The following SBSPON variants were observed in gnomAD, a reference collection of about 807,000 sequenced individuals.
The protein encoded by SBSPON is somatomedin B and thrombospondin type 1 domain containing.
SBSPON carries 30 observed loss-of-function variants against 35.8 expected under a neutral mutation model. The observed-to-expected ratio is 0.84, with a 90% CI of 0.63 to 1.14. SBSPON has a LOEUF of 1.14. Among genes scored for constraint, SBSPON ranks in the 50% most tolerant of loss-of-function variants. SBSPON has a pLI of 0.00. For synonymous variants in SBSPON, 136 were observed against 135.9 expected (o/e 1.00, Z 0.00); for missense variants, 364 against 357.7 (o/e 1.02, Z -0.14).
At chr8:73,089,861 G>T (rs1424930505) in intron 1 of SBSPON, among the ~76,000 whole-genome samples, 1 of 152,112 alleles carries the variant, frequency 6.6e-6, no homozygotes, top group African/African-American at 2.4e-5. Context: ...CCCACACAGT[G>T]GTTTCATCTC....
chr8:73,092,299 G>A (rs908226714), intron 1 of SBSPON, among the ~76,000 whole-genome samples: 2 of 152,184 alleles, frequency 1.3e-5, no homozygotes, highest in African/African-American at 4.8e-5. Flanking sequence ...ACATTTTGGG[G>A]TCCAGAGATG....
intron 1 of SBSPON, among the ~76,000 whole-genome samples, chr8:73,084,276 C>T (rs1178504298): frequency 6.6e-6 from 1 of 152,212 alleles, no homozygotes; most frequent in Non-Finnish European, 1.5e-5. Context: ...TTATATATCT[C>T]AGTAATGAAT....
chr8:73,090,532 G>A lies in SBSPON; in HGVS notation c.214+2322C>T, dbSNP rs73316122. Reference sequence around the variant, plus strand: ...TGAGCAGGCTGGGCCTCTCGGCTCCGGGCCTTCTGCTCTCACCCTCGGAGG... The same window carrying A: ...TGAGCAGGCTGGGCCTCTCGGCTCCAGGCCTTCTGCTCTCACCCTCGGAGG... On this transcript the variant is annotated intron_variant, in intron 1 of 4. Transcript: ENST00000297354. Among the ~76,000 whole-genome samples, 370 of 152,298 alleles carry A rather than the reference G, an allele frequency of 2.4e-3. 3 individuals carry two copies. Among genetic ancestry groups the A allele is most frequent in the African/African-American group, 8.3e-3 (347 of 41,564 alleles).
At position 73,071,871 on chromosome 8, in the gene SBSPON, C is replaced by T; in HGVS notation, c.410-1G>A. 6.3e-7 allele frequency: 1 copy of T among 1,598,752 alleles called. No homozygotes were observed. The highest frequency in any genetic ancestry group is 8.6e-7 in the Non-Finnish European group (1 of 1,166,302). The stretch of plus-strand genomic sequence containing the variant: ...GCAGAGGTAGTTATAAAGGCAGGAA[C>T]TGGAAAAGGGAGATTTCTGTTGAAT... On this transcript the variant is annotated splice_acceptor_variant, in intron 2 of 4. Transcript: ENST00000297354. LOFTEE classifies it high-confidence loss of function.
chr8:73,071,670 A>G, intron 3 of SBSPON, 110 bp downstream of exon 3: 2 of 669,834 alleles, frequency 3.0e-6, no homozygotes. Flanking sequence ...AGCCAAAGTC[A>G]AAGAGCAAGT....
In SBSPON at chr8:73,066,883, A is replaced by T. The variant is rs1159200772; in HGVS notation, c.*458T>A. 6.7e-6 allele frequency: 1 copy of T among 150,248 alleles called. No homozygotes were observed. Among genetic ancestry groups the T allele is most frequent in the Non-Finnish European group, 1.5e-5 (1 of 66,930 alleles). 9.3% of individuals were successfully genotyped at this position (150,248 alleles called of 1,614,324 possible). The stretch of plus-strand genomic sequence containing the variant: ...TCAGAATTTATGGAATATTAAATAT[A>T]TGGAAATATATGTGTAGAGTGTGCA... On this transcript the variant is annotated 3_prime_UTR_variant, in exon 5 of 5. Transcript: ENST00000297354.
At position 73,083,484 on chromosome 8, in the gene SBSPON, T is replaced by G. The variant is rs73316106; in HGVS notation, c.215-2271A>C. 3.4e-3 allele frequency among the ~76,000 whole-genome samples: 523 copies of G among 152,368 alleles called. 4 individuals are homozygous for G. Among genetic ancestry groups the G allele is most frequent in the African/African-American group, 0.012 (489 of 41,588 alleles). ...GCTTGTGAACTTTTGATTATTTGGA[T>G]TGCAAGCCATCATAGATCACAAGAG... On this transcript the variant is annotated intron_variant, in intron 1 of 4. Transcript: ENST00000297354.
intron 1 of SBSPON, among the ~76,000 whole-genome samples, chr8:73,091,813 G>T (rs551115572): frequency 6.6e-6 from 1 of 152,304 alleles, no homozygotes; most frequent in African/African-American, 2.4e-5. Flanking sequence ...GCCTGGCCAC[G>T]GGTTGAAGCC....
Position 73,071,787 on chromosome 8 carries a change from C to T in SBSPON, c.493G>A (p.Asp165Asn), listed in dbSNP as rs202008582. ...TSPHWSTHTE[D>N]AGYCMEFKTE... The stretch of plus-strand genomic sequence containing the variant: ...AAAAAAACACGAAATTACCCAGCAT[C>T]CTCTGTGTGTGTAGACCAGTGTGGA... Residue 165 changes from aspartate to asparagine, a missense_variant, in exon 3 of 5, where the codon GAT becomes AAT. Asp to Asn is a conservative substitution (Grantham distance 23). Transcript: ENST00000297354. 2.5e-5 allele frequency: 40 copies of T among 1,586,372 alleles called. No homozygotes were observed. In the African/African-American group the frequency reaches 4.2e-4, roughly 17 times the overall value.
chr8:73,075,283 G>A (rs535249929), intron 2 of SBSPON, among the ~76,000 whole-genome samples: 1 of 152,358 alleles, frequency 6.6e-6, no homozygotes, highest in African/African-American at 2.4e-5. Context: ...CTTGGGCTTG[G>A]TGGTGGCACA....
rs1428629910 is a variant in SBSPON, at chr8:73,068,541, T to C, written c.678-1083A>G. Among the ~76,000 whole-genome samples, 5 of 152,238 alleles carry C rather than the reference T, an allele frequency of 3.3e-5. No homozygotes were observed. In the East Asian group the frequency reaches 9.6e-4, roughly 29 times the overall value. The stretch of plus-strand genomic sequence containing the variant: ...CCCAGCACGAAGTTGACTCTTCTTT[T>C]AGTTTTGTATAGTGTTATCAAATTT... On this transcript the variant is annotated intron_variant, in intron 4 of 4. Transcript: ENST00000297354.
At chr8:73,071,753 T>TAAAAA in intron 3 of SBSPON, 27 bp downstream of exon 3, 2 of 1,286,924 alleles carry the variant, frequency 1.6e-6, no homozygotes, top group East Asian at 2.5e-5. Flanking sequence ...AAAACATGAT[T>TAAAAA]AAAAAAAAAA....
intron 1 of SBSPON, among the ~76,000 whole-genome samples, chr8:73,089,974 G>A (rs1421363165): frequency 1.3e-5 from 2 of 152,140 alleles, no homozygotes; most frequent in East Asian, 1.9e-4. Context: ...CTACCTCCTG[G>A]GCTCAGGTGA....
intron 2 of SBSPON, among the ~76,000 whole-genome samples, chr8:73,075,977 C>T (rs893738408): frequency 6.6e-6 from 1 of 152,136 alleles, no homozygotes; most frequent in Non-Finnish European, 1.5e-5. Context: ...GCTACTCAGT[C>T]ATTAATAAGA....
Position 73,080,593 on chromosome 8 carries a change from G to A in SBSPON, c.409+426C>T, listed in dbSNP as rs140039291. On this transcript the variant is annotated intron_variant, in intron 2 of 4. Coordinates refer to ENST00000297354, the MANE Select transcript of SBSPON (RefSeq NM_153225.4). ...ATTTTTCCACGATTTTTCCACATGC[G>A]TGAGTGTGCATAATGAAACAGGAAT... 4.1e-3 allele frequency among the ~76,000 whole-genome samples: 625 copies of A among 152,204 alleles called. 5 individuals are homozygous for A. Among genetic ancestry groups the A allele is most frequent in the African/African-American group, 0.014 (593 of 41,530 alleles).
chr8:73,085,022 A>G lies in SBSPON; in HGVS notation c.215-3809T>C, dbSNP rs866811474. 2.0e-5 allele frequency among the ~76,000 whole-genome samples: 3 copies of G among 152,190 alleles called. No homozygotes were observed. In the South Asian group the frequency reaches 6.2e-4, roughly 32 times the overall value. ...CCCTCCTCCCTAGATAATGTTCTAC[A>G]TTGAAACAGACTCTGATCTGCTCAT... On this transcript the variant is annotated intron_variant, in intron 1 of 4. Coordinates refer to ENST00000297354, the MANE Select transcript of SBSPON (RefSeq NM_153225.4).
chr8:73,093,172 C>T lies in SBSPON; in HGVS notation c.-105G>A, dbSNP rs1257829095. On this transcript the variant is annotated 5_prime_UTR_variant, in exon 1 of 5. In the 5' UTR this introduces an upstream ATG that the reference lacks. Transcript: ENST00000297354. ...AGCTGCCCGAGCGGCCGGCGAGGCACAGCCGGGCCCTGCCCTGCGCCCGGC... is the reference window on the plus strand; with the variant it reads ...AGCTGCCCGAGCGGCCGGCGAGGCATAGCCGGGCCCTGCCCTGCGCCCGGC... The T allele has an allele frequency of 9.4e-6, 4 of 426,990 alleles. No individual in the cohort carries two copies. The highest frequency in any genetic ancestry group is 2.1e-5 in the African/African-American group (1 of 46,878). The allele number at this position is 426,990 out of a possible 1,614,324, so 26.5% of individuals were successfully genotyped here.
At chr8:73,090,517 G>T (rs1293837470) in intron 1 of SBSPON, among the ~76,000 whole-genome samples, 1 of 152,188 alleles carries the variant, frequency 6.6e-6, no homozygotes, top group East Asian at 1.9e-4. Flanking sequence ...TGAGCAGGCT[G>T]GGCCTCTCGG....
In SBSPON at chr8:73,064,663, T is replaced by C. The variant is rs984846782; in HGVS notation, c.*2678A>G. 1 of 152,234 alleles carries C rather than the reference T, an allele frequency of 6.6e-6. No homozygotes were observed. Among genetic ancestry groups the C allele is most frequent in the Admixed American group, 6.5e-5 (1 of 15,286 alleles). The allele number at this position is 152,234 out of a possible 1,614,324, so 9.4% of individuals were successfully genotyped here. A position where few individuals can be genotyped will look rare whatever the true frequency, so the allele number is the denominator to read the frequency against. The stretch of plus-strand genomic sequence containing the variant: ...TTTAAATTATTGCTGTTGCGGTTTA[T>C]GCTTAATTGTAACATTCTCGAATAA... On this transcript the variant is annotated 3_prime_UTR_variant, in exon 5 of 5. Transcript: ENST00000297354.
Sources: allele counts gnomAD v4.1 joint callset (sites outside exome capture counted in the v4.1 genomes callset), GRCh38; gene constraint gnomAD v4.1.1; transcripts MANE v1.5; gene names NCBI Gene and HGNC (gene_info 2026-07-23, HGNC 2026-07-21).